Variants in AGBL4 observed in about 807,000 individuals in gnomAD.
The protein encoded by AGBL4 is AGBL carboxypeptidase 4.
In AGBL4, 58 loss-of-function variants were observed where a neutral mutation model predicts 66.4. The observed-to-expected ratio is 0.87, with a 90% CI of 0.71 to 1.09. AGBL4 has a LOEUF of 1.09. Among genes scored for constraint, AGBL4 ranks in the 50% least tolerant of loss-of-function variants. AGBL4 has a pLI of 0.00. For missense variants in AGBL4, 579 were observed against 631.0 expected (o/e 0.92, Z 0.88); for synonymous variants, 234 against 222.9 (o/e 1.05, Z -0.44).
At chr1:49,905,777 T>C (rs748318101) in intron 1 of AGBL4, among the ~76,000 whole-genome samples, 39 of 152,228 alleles carry the variant, frequency 2.6e-4, no homozygotes, top group Admixed American at 6.5e-4. Context: ...GAATTATTAA[T>C]ATGACCAATA....
intron 2 of AGBL4, among the ~76,000 whole-genome samples, chr1:49,737,874 CTA>C (rs1247348190): frequency 2.0e-5 from 3 of 152,346 alleles, no homozygotes; most frequent in African/African-American, 7.2e-5. Flanking sequence ...TAGCTCCACT[CTA>C]TAGCTCCCAG....
At chr1:48,855,334 C>G (rs537723156) in intron 6 of AGBL4, among the ~76,000 whole-genome samples, 1 of 152,332 alleles carries the variant, frequency 6.6e-6, no homozygotes, top group East Asian at 1.9e-4. Context: ...ATAGATTTCT[C>G]AGGACAAATA....
intron 3 of AGBL4, among the ~76,000 whole-genome samples, chr1:49,467,232 G>A (rs1211526222): frequency 6.6e-6 from 1 of 151,766 alleles, no homozygotes; most frequent in Non-Finnish European, 1.5e-5. Context: ...AAGACAATGT[G>A]AGCCAGAAAT....
chr1:49,028,602 A>C (rs1663931787), intron 5 of AGBL4, among the ~76,000 whole-genome samples: 3 of 152,186 alleles, frequency 2.0e-5, no homozygotes, highest in African/African-American at 7.2e-5. Flanking sequence ...CTACTAGGGA[A>C]TTCCAATAAG....
intron 2 of AGBL4, among the ~76,000 whole-genome samples, chr1:49,730,760 G>C (rs1488086166): frequency 6.6e-6 from 1 of 152,200 alleles, no homozygotes; most frequent in Non-Finnish European, 1.5e-5. Context: ...CAAGTGAGGA[G>C]AGCAAACCCG....
At chr1:49,926,987 T>C (rs924932562) in intron 1 of AGBL4, among the ~76,000 whole-genome samples, 4 of 152,174 alleles carry the variant, frequency 2.6e-5, no homozygotes, top group Admixed American at 6.5e-5. Context: ...CTGAAGAACA[T>C]AGAGTTTGAT....
intron 3 of AGBL4, among the ~76,000 whole-genome samples, chr1:49,635,172 T>G (rs1645646919): frequency 6.6e-6 from 1 of 152,170 alleles, no homozygotes; most frequent in African/African-American, 2.4e-5. Flanking sequence ...TTTCCCTACG[T>G]GGCATTTGCT....
chr1:48,907,727 T>C (rs562223033), intron 5 of AGBL4, among the ~76,000 whole-genome samples: 1 of 152,248 alleles, frequency 6.6e-6, no homozygotes, highest in African/African-American at 2.4e-5. Context: ...GGTGCTAAGA[T>C]ATAGACAAGG....
intron 3 of AGBL4, among the ~76,000 whole-genome samples, chr1:49,316,989 G>C (rs1645049934): frequency 1.3e-5 from 2 of 151,622 alleles, no homozygotes; most frequent in Admixed American, 1.3e-4. Flanking sequence ...TTATAAAATT[G>C]TATCCTTTTA....
At chr1:48,860,406 G>C (rs1315460451) in intron 6 of AGBL4, among the ~76,000 whole-genome samples, 1 of 152,092 alleles carries the variant, frequency 6.6e-6, no homozygotes, top group Non-Finnish European at 1.5e-5. Flanking sequence ...AGTGGTTCTG[G>C]GGCTACTGGC....
intron 3 of AGBL4, among the ~76,000 whole-genome samples, chr1:49,301,653 G>A (rs1444613914): frequency 6.6e-6 from 1 of 152,152 alleles, no homozygotes; most frequent in African/African-American, 2.4e-5. Flanking sequence ...GAGCCAAGTG[G>A]CTGGTGGGAA....
intron 2 of AGBL4, among the ~76,000 whole-genome samples, chr1:49,812,759 T>C (rs1645129193): frequency 6.6e-6 from 1 of 152,182 alleles, no homozygotes; most frequent in Non-Finnish European, 1.5e-5. Context: ...ATCAATTTTC[T>C]AGTCATTTAT....
At chr1:48,829,603 C>A (rs1262920922) in intron 6 of AGBL4, among the ~76,000 whole-genome samples, 1 of 152,048 alleles carries the variant, frequency 6.6e-6, no homozygotes, top group African/African-American at 2.4e-5. Context: ...TTGAATATAA[C>A]CAGTCAGAGA....
At chr1:48,986,986 T>G (rs1660226854) in intron 5 of AGBL4, among the ~76,000 whole-genome samples, 2 of 152,044 alleles carry the variant, frequency 1.3e-5, no homozygotes, top group African/African-American at 2.4e-5. Flanking sequence ...ATTAGTTATT[T>G]AAGAGTTATA....
intron 2 of AGBL4, among the ~76,000 whole-genome samples, chr1:49,837,158 C>T (rs1042035006): frequency 5.9e-5 from 9 of 152,308 alleles, no homozygotes; most frequent in African/African-American, 2.2e-4. Flanking sequence ...CGCCCACAGC[C>T]GCCCCTTCCC....
chr1:49,110,461 T>C (rs1469750499), intron 4 of AGBL4, among the ~76,000 whole-genome samples: 1 of 152,196 alleles, frequency 6.6e-6, no homozygotes, highest in African/African-American at 2.4e-5. Flanking sequence ...ACCATTATTC[T>C]TTTTCCCTTA....
chr1:49,990,683 G>C (rs1056155710), intron 1 of AGBL4, among the ~76,000 whole-genome samples: 1 of 152,110 alleles, frequency 6.6e-6, no homozygotes, highest in Admixed American at 6.5e-5. Flanking sequence ...ATACCTAAAG[G>C]CATCTGTGAT....
intron 5 of AGBL4, among the ~76,000 whole-genome samples, chr1:48,981,588 A>C (rs1659773758): frequency 6.6e-6 from 1 of 152,202 alleles, no homozygotes; most frequent in African/African-American, 2.4e-5. Flanking sequence ...AGATGCAATA[A>C]TAAAAAGTGT....
chr1:48,629,358 G>C lies in AGBL4; in HGVS notation c.951+5135C>G, dbSNP rs540697631. On this transcript the variant is annotated intron_variant, in intron 9 of 13. Coordinates refer to ENST00000371839, the MANE Select transcript of AGBL4 (RefSeq NM_032785.4). ...GAAAGCCAAACTCCCATGGACAGCG[G>C]GTAAGCTCTCGCCTGAAAGGTAATA... 3.9e-5 allele frequency among the ~76,000 whole-genome samples: 6 copies of C among 152,234 alleles called. No individual in the cohort carries two copies. In the East Asian group the frequency reaches 9.7e-4, roughly 25 times the overall value.
Sources: allele counts gnomAD v4.1 joint callset (sites outside exome capture counted in the v4.1 genomes callset), GRCh38; gene constraint gnomAD v4.1.1; transcripts MANE v1.5; gene names NCBI Gene and HGNC (gene_info 2026-07-23, HGNC 2026-07-21).